Variants in SLC22A24 observed in about 807,000 individuals in gnomAD.
SLC22A24 encodes the protein solute carrier family 22 member 24.
SLC22A24 carries 53 observed loss-of-function variants against 49.8 expected under a neutral mutation model. That is an observed-to-expected ratio of 1.06 (90% CI 0.85 to 1.34). The LOEUF (loss-of-function observed/expected upper bound fraction) is 1.34, where lower values mean the gene tolerates loss of function less well. Among genes scored for constraint, SLC22A24 ranks in the 40% most tolerant of loss-of-function variants. The pLI is 0.00. For missense variants in SLC22A24, 786 were observed against 675.9 expected (o/e 1.16, Z -1.81); for synonymous variants, 302 against 256.4 (o/e 1.18, Z -1.70).
intron 6 of SLC22A24, among the ~76,000 whole-genome samples, chr11:63,083,925 G>C (rs1471137859): frequency 6.6e-6 from 1 of 152,166 alleles, no homozygotes. Context: ...CCCGTTCAGA[G>C]ACCTTCTTTA....
chr11:63,081,170 A>T lies in SLC22A24; in HGVS notation c.1395-47T>A, dbSNP rs747696747. On this transcript the variant is annotated intron_variant, in intron 8 of 9. Transcript: ENST00000612278. ...CAAAAAATCTTGTATGAATCTGTAC[A>T]TGTCAGCTCTTTATCATCATTATTT... The T allele has an allele frequency of 2.8e-6, 4 of 1,453,212 alleles. No individual in the cohort carries two copies. The Admixed American group carries it at 6.0e-5, about 22-fold the overall frequency. 90.0% of individuals were successfully genotyped at this position (1,453,212 alleles called of 1,614,324 possible). A position where few individuals can be genotyped will look rare whatever the true frequency, so the allele number is the denominator to read the frequency against.
In SLC22A24 at chr11:63,136,101, T is replaced by A. The variant is rs139962147; in HGVS notation, c.403-1333A>T. Among the ~76,000 whole-genome samples the A allele has an allele frequency of 6.6e-5, 10 of 152,296 alleles. No individual in the cohort carries two copies. The East Asian group carries it at 1.5e-3, about 23-fold the overall frequency. ...AAAACATCATTGTTTTGAAGTGTCA[T>A]CTTATTCTACACAACAACAAACCAT... On this transcript the variant is annotated intron_variant, in intron 1 of 9. Coordinates refer to ENST00000612278, the MANE Select transcript of SLC22A24 (RefSeq NM_001136506.2).
At chr11:63,108,912 T>C (rs1422861498) in intron 4 of SLC22A24, among the ~76,000 whole-genome samples, 10 of 149,350 alleles carry the variant, frequency 6.7e-5, no homozygotes, top group South Asian at 2.2e-4. Flanking sequence ...TAGTTACATA[T>C]GTATACATGT....
intron 2 of SLC22A24, among the ~76,000 whole-genome samples, chr11:63,130,276 G>A (rs527727766): frequency 7.8e-4 from 118 of 152,242 alleles, no homozygotes; most frequent in African/African-American, 2.8e-3. Flanking sequence ...GATGGATTAC[G>A]TTTATTGATT....
At chr11:63,098,557 G>A (rs1488631722) in intron 5 of SLC22A24, among the ~76,000 whole-genome samples, 4 of 152,004 alleles carry the variant, frequency 2.6e-5, no homozygotes, top group African/African-American at 4.8e-5. Flanking sequence ...CAGCTACTTG[G>A]GTGGCTGAGG....
chr11:63,090,273 C>A (rs1169939277), intron 6 of SLC22A24, among the ~76,000 whole-genome samples: 1 of 151,910 alleles, frequency 6.6e-6, no homozygotes, highest in East Asian at 1.9e-4. Context: ...GAGACTTTAA[C>A]ACCCCACTGT....
intron 2 of SLC22A24, among the ~76,000 whole-genome samples, chr11:63,130,711 A>G (rs1427052112): frequency 6.6e-6 from 1 of 151,978 alleles, no homozygotes; most frequent in African/African-American, 2.4e-5. Context: ...GGGAGGGTGT[A>G]TTTGTCCAGG....
At chr11:63,129,063 C>T (rs537351143) in intron 2 of SLC22A24, among the ~76,000 whole-genome samples, 24 of 152,284 alleles carry the variant, frequency 1.6e-4, no homozygotes, top group African/African-American at 4.6e-4. Context: ...TGCCTAAGTC[C>T]TGAATGGTAC....
At position 63,089,902 on chromosome 11, in the gene SLC22A24, A is replaced by G. The variant is rs2087008349; in HGVS notation, c.1070+6089T>C. 2.0e-5 allele frequency among the ~76,000 whole-genome samples: 3 copies of G among 151,964 alleles called. No individual in the cohort carries two copies. The South Asian group carries it at 6.2e-4, about 32-fold the overall frequency. ...CGAGACCATCCTGGCTAACACGGTG[A>G]AACCCCGTCTCTACTAAAAATACAA... is the stretch of plus-strand genomic sequence containing the variant. On this transcript the variant is annotated intron_variant, in intron 6 of 9. Coordinates refer to ENST00000612278, the MANE Select transcript of SLC22A24 (RefSeq NM_001136506.2).
intron 2 of SLC22A24, among the ~76,000 whole-genome samples, chr11:63,134,414 C>A (rs1164287858): frequency 6.6e-6 from 1 of 152,212 alleles, no homozygotes; most frequent in East Asian, 1.9e-4. Flanking sequence ...CCTGAAACTT[C>A]TTTGAATCTG....
intron 2 of SLC22A24, among the ~76,000 whole-genome samples, chr11:63,126,361 T>A (rs1044427989): frequency 1.3e-5 from 2 of 152,228 alleles, no homozygotes; most frequent in Middle Eastern, 3.2e-3. Flanking sequence ...AGGTCCAGTT[T>A]CAATTTTCTG....
chr11:63,133,367 A>C (rs1257247206), intron 2 of SLC22A24, among the ~76,000 whole-genome samples: 1 of 152,162 alleles, frequency 6.6e-6, no homozygotes, highest in Non-Finnish European at 1.5e-5. Flanking sequence ...CCTCAGCTGG[A>C]AATGTAGAAA....
rs543424386 is a variant in SLC22A24 at position 63,143,502 on chromosome 11, T to G, written c.278A>C (p.His93Pro). The G allele has an allele frequency of 6.2e-7, 1 of 1,601,004 alleles. No homozygotes were observed. The highest frequency in any genetic ancestry group is 1.3e-5 in the African/African-American group (1 of 74,290). Residue 93 changes from histidine to proline, a missense_variant, in exon 1 of 10, where the codon CAT becomes CCT. Coordinates refer to ENST00000612278, the MANE Select transcript of SLC22A24 (RefSeq NM_001136506.2). ...CAGGTGAAGGAGCTGCCACTGGGGA[T>G]GGATAAAGCGCTGACACTTCTGTGG... The part of the protein sequence containing the change: ...LRPQKCQRFI[H>P]PQWQLLHLNG...
intron 2 of SLC22A24, among the ~76,000 whole-genome samples, chr11:63,121,238 A>G (rs980550239): frequency 6.6e-5 from 10 of 152,192 alleles, no homozygotes; most frequent in African/African-American, 2.2e-4. Flanking sequence ...GGAAGGGATT[A>G]TATGGGAACA....
At chr11:63,128,843 C>T (rs10897370) in intron 2 of SLC22A24, among the ~76,000 whole-genome samples, 120,469 of 151,604 alleles carry the variant, frequency 0.79, 48,939 homozygotes, top group East Asian at 0.9. Flanking sequence ...TACCAGTCTC[C>T]GCGTCTTGGT....
At chr11:63,084,235 A>G (rs1013984991) in intron 6 of SLC22A24, among the ~76,000 whole-genome samples, 3 of 152,154 alleles carry the variant, frequency 2.0e-5, no homozygotes, top group Non-Finnish European at 4.4e-5. Context: ...TGACATTTCT[A>G]AGCAGTCTAA....
chr11:63,101,613 T>G (rs534686188), intron 5 of SLC22A24, among the ~76,000 whole-genome samples: 4 of 152,058 alleles, frequency 2.6e-5, no homozygotes, highest in Non-Finnish European at 4.4e-5. Flanking sequence ...GGAAATGAAA[T>G]CAATATTTGA....
intron 5 of SLC22A24, among the ~76,000 whole-genome samples, chr11:63,100,459 G>A (rs1429804368): frequency 3.3e-5 from 5 of 152,044 alleles, no homozygotes; most frequent in African/African-American, 1.2e-4. Context: ...TTCATGGATT[G>A]GATTAATCAG....
At chr11:63,110,195 C>A (rs1375855922) in intron 4 of SLC22A24, among the ~76,000 whole-genome samples, 1 of 151,282 alleles carries the variant, frequency 6.6e-6, no homozygotes, top group Non-Finnish European at 1.5e-5. Context: ...CTGTTCTGTT[C>A]CATTGATCTA....
Sources: allele counts gnomAD v4.1 joint callset (sites outside exome capture counted in the v4.1 genomes callset), GRCh38; gene constraint gnomAD v4.1.1; transcripts MANE v1.5; gene names NCBI Gene and HGNC (gene_info 2026-07-23, HGNC 2026-07-21).